PRKCE: variants seen among roughly 807,000 people sequenced by gnomAD.
The protein encoded by PRKCE is protein kinase C epsilon type.
A neutral mutation model predicts 85.4 loss-of-function variants in PRKCE; 16 were observed. The observed-to-expected ratio is 0.19, with a 90% CI of 0.13 to 0.28. The LOEUF (loss-of-function observed/expected upper bound fraction) is 0.28, where lower values mean the gene tolerates loss of function less well. Ranked by LOEUF, PRKCE falls within the 10% of genes least tolerant of loss-of-function variation. The pLI is 1.00. For synonymous variants in PRKCE, 388 were observed against 371.5 expected, an observed-to-expected ratio of 1.04 and a Z score of -0.51; for missense variants, 573 against 975.2, an observed-to-expected ratio of 0.59 and a Z score of 5.49.
chr2:45,866,287 T>TTAA (rs1693602049), intron 2 of PRKCE, among the ~76,000 whole-genome samples: 1 of 152,126 alleles, frequency 6.6e-6, no homozygotes, highest in Non-Finnish European at 1.5e-5. Context: ...TTTTTATTTA[T>TTAA]TTAATTAATT....
chr2:46,032,463 T>G (rs1189141579), intron 10 of PRKCE, among the ~76,000 whole-genome samples: 1 of 152,220 alleles, frequency 6.6e-6, no homozygotes, highest in Non-Finnish European at 1.5e-5. Flanking sequence ...GACTTGCCCT[T>G]AATTATGGTC....
intron 1 of PRKCE, among the ~76,000 whole-genome samples, chr2:45,734,537 C>A (rs12475498): frequency 0.43 from 65,339 of 152,030 alleles, 14,256 homozygotes; most frequent in African/African-American, 0.49. Context: ...GTGAGAGAAG[C>A]AGCAGCTTGA....
chr2:45,659,070 A>C (rs532335151), intron 1 of PRKCE, among the ~76,000 whole-genome samples: 49 of 152,302 alleles, frequency 3.2e-4, no homozygotes, highest in African/African-American at 1.2e-3. Flanking sequence ...GTTGACACTA[A>C]ATTCCTAATT....
At chr2:46,069,180 A>G (rs901247241) in intron 10 of PRKCE, among the ~76,000 whole-genome samples, 1 of 152,216 alleles carries the variant, frequency 6.6e-6, no homozygotes, top group African/African-American at 2.4e-5. Context: ...CAGACAGACC[A>G]GGGCATTTCA....
intron 2 of PRKCE, among the ~76,000 whole-genome samples, chr2:45,861,678 GA>G (rs1263802278): frequency 6.6e-6 from 1 of 152,146 alleles, no homozygotes; most frequent in Non-Finnish European, 1.5e-5. Flanking sequence ...TGGCGAGAAT[GA>G]AACTAGAGTT....
intron 1 of PRKCE, among the ~76,000 whole-genome samples, chr2:45,744,539 T>TTTCTTTCTTTTTCTTTCC (rs1558624228): frequency 1.6e-4 from 11 of 68,250 alleles, no homozygotes; most frequent in South Asian, 5.7e-4. Context: ...TCTTTCCTTC[T>TTTCTTTCTTTTTCTTTCC]TTCTTTCTTT....
chr2:46,059,480 A>C (rs1666908051), intron 10 of PRKCE, among the ~76,000 whole-genome samples: 1 of 152,224 alleles, frequency 6.6e-6, no homozygotes, highest in Non-Finnish European at 1.5e-5. Flanking sequence ...GTGACTGGTC[A>C]ATCTTTATGG....
intron 1 of PRKCE, among the ~76,000 whole-genome samples, chr2:45,655,058 T>C (rs190932378): frequency 2.0e-5 from 3 of 152,320 alleles, no homozygotes; most frequent in Admixed American, 6.5e-5. Context: ...GTTTCTCTCA[T>C]TTTTGCGGAA....
At chr2:45,755,752 A>G (rs1683951971) in intron 1 of PRKCE, among the ~76,000 whole-genome samples, 1 of 152,166 alleles carries the variant, frequency 6.6e-6, no homozygotes, top group Non-Finnish European at 1.5e-5. Context: ...CCAGTGACTC[A>G]AAACTAGTTG....
intron 10 of PRKCE, among the ~76,000 whole-genome samples, chr2:46,024,270 T>A (rs1038849156): frequency 6.6e-6 from 1 of 151,830 alleles, no homozygotes. Context: ...AAGCAACTGA[T>A]GGAAAAACAG....
chr2:46,162,156 G>C (rs762905892), intron 14 of PRKCE, among the ~76,000 whole-genome samples: 27 of 152,172 alleles, frequency 1.8e-4, no homozygotes, highest in Non-Finnish European at 3.1e-4. Context: ...GAGGGGGTCT[G>C]GGAGCCAGCA....
chr2:45,777,003 T>A (rs1440865471), intron 1 of PRKCE, among the ~76,000 whole-genome samples: 1 of 152,204 alleles, frequency 6.6e-6, no homozygotes, highest in Non-Finnish European at 1.5e-5. Flanking sequence ...GTGCAGGGTC[T>A]CATGGCTTGC....
chr2:46,030,153 C>T (rs1228018232), intron 10 of PRKCE, among the ~76,000 whole-genome samples: 1 of 152,198 alleles, frequency 6.6e-6, no homozygotes, highest in Non-Finnish European at 1.5e-5. Flanking sequence ...TCACTGCTGT[C>T]TCCATAGTCT....
At chr2:45,866,777 A>C (rs1347420363) in intron 2 of PRKCE, among the ~76,000 whole-genome samples, 1 of 152,268 alleles carries the variant, frequency 6.6e-6, no homozygotes, top group Non-Finnish European at 1.5e-5. Context: ...AATAGTCAAC[A>C]TGCGTCCAGG....
chr2:46,117,142 G>T (rs1672854237), intron 11 of PRKCE, among the ~76,000 whole-genome samples: 2 of 152,186 alleles, frequency 1.3e-5, no homozygotes, highest in Admixed American at 1.3e-4. Flanking sequence ...GCACCAGAGG[G>T]GTGGGAGTTT....
intron 12 of PRKCE, among the ~76,000 whole-genome samples, chr2:46,147,581 C>T (rs56362104): frequency 0.021 from 3,150 of 152,364 alleles, 43 homozygotes; most frequent in Middle Eastern, 0.041. Flanking sequence ...TTCGTGCCCA[C>T]CGTGCAGAAA....
At chr2:45,892,896 C>T (rs900718600) in intron 2 of PRKCE, among the ~76,000 whole-genome samples, 4 of 152,072 alleles carry the variant, frequency 2.6e-5, no homozygotes, top group Admixed American at 6.6e-5. Flanking sequence ...CAGTAATGTA[C>T]CCCCCGGGGT....
intron 1 of PRKCE, among the ~76,000 whole-genome samples, chr2:45,658,467 C>T (rs1041702978): frequency 6.6e-6 from 1 of 152,184 alleles, no homozygotes; most frequent in Non-Finnish European, 1.5e-5. Flanking sequence ...CCTGAATTCC[C>T]TGGCTCCTCA....
chr2:45,996,838 C>T lies in PRKCE; in HGVS notation c.824-4566C>T, dbSNP rs1337221099. Among the ~76,000 whole-genome samples, 3 of 152,128 alleles carry T rather than the reference C, an allele frequency of 2.0e-5. No homozygotes were observed. In the East Asian group the frequency reaches 5.8e-4, roughly 29 times the overall value. On this transcript the variant is annotated intron_variant, in intron 6 of 14. Coordinates refer to ENST00000306156, the MANE Select transcript of PRKCE (RefSeq NM_005400.3). ...TTTGATATTATGGTAATGGTGGCCT[C>T]CTAAAATGAGTTAGGATATATTCTG...
Sources: allele counts gnomAD v4.1 joint callset (sites outside exome capture counted in the v4.1 genomes callset), GRCh38; gene constraint gnomAD v4.1.1; transcripts MANE v1.5; gene names NCBI Gene and HGNC (gene_info 2026-07-23, HGNC 2026-07-21).